PANK2: variants seen among roughly 807,000 people sequenced by gnomAD.
PANK2 encodes pantothenate kinase 2.
PANK2 carries 36 observed loss-of-function variants against 43.1 expected under a neutral mutation model. The observed-to-expected ratio is 0.84, with a 90% CI of 0.64 to 1.10. PANK2 has a LOEUF of 1.10. Among genes scored for constraint, PANK2 ranks in the 50% least tolerant of loss-of-function variants. The pLI, the probability that PANK2 is intolerant of heterozygous loss-of-function variation, is 0.00. For missense variants in PANK2, 576 were observed against 593.3 expected, an observed-to-expected ratio of 0.97 and a Z score of 0.30; for synonymous variants, 281 against 238.2, an observed-to-expected ratio of 1.18 and a Z score of -1.66.
Position 3,923,349 on chromosome 20 carries a change from C to A in PANK2, c.*55C>A, listed in dbSNP as rs1213057096. The A allele has an allele frequency of 1.3e-6, 2 of 1,568,586 alleles. No homozygotes were observed. Among genetic ancestry groups the A allele is most frequent in the African/African-American group, 1.4e-5 (1 of 73,628 alleles). On this transcript the variant is annotated 3_prime_UTR_variant, in exon 7 of 7. Transcript: ENST00000610179. Reference sequence around the variant, plus strand: ...TTCCACAATGGGATCTGTGGACTTTCATTTTTTTAAGAGACTTACTCAATT... The same window carrying A: ...TTCCACAATGGGATCTGTGGACTTTAATTTTTTTAAGAGACTTACTCAATT...
chr20:3,889,017 G>A (rs1335166345), upstream of PANK2: 2 of 1,129,812 alleles, frequency 1.8e-6, no homozygotes. Context: ...GAGCAGCGGG[G>A]TGGGACTCGG....
chr20:3,907,337 G>A (rs576740481), intron 1 of PANK2, among the ~76,000 whole-genome samples: 2 of 152,174 alleles, frequency 1.3e-5, no homozygotes, highest in East Asian at 3.9e-4. Flanking sequence ...GACCTCAGGT[G>A]ATCCACCCAC....
intron 1 of PANK2, among the ~76,000 whole-genome samples, chr20:3,898,404 C>T (rs773137643): frequency 1.3e-5 from 2 of 151,966 alleles, no homozygotes; most frequent in African/African-American, 2.4e-5. Context: ...TTTACCATGT[C>T]GGCCAGACTG....
chr20:3,910,875 G>T, intron 3 of PANK2, 45 bp downstream of exon 3: 8 of 1,610,800 alleles, frequency 5.0e-6, no homozygotes, highest in Non-Finnish European at 5.9e-6. Flanking sequence ...GTATCCTAAC[G>T]GGCTGAGTTT....
rs2090779458 is a variant in PANK2, at chr20:3,929,161, ATT to A, written c.*5870_*5871del. 1 of 152,178 alleles carries A rather than the reference ATT, an allele frequency of 6.6e-6. No individual in the cohort carries two copies. The highest frequency in any genetic ancestry group is 1.5e-5 in the Non-Finnish European group (1 of 68,068). The allele number at this position is 152,178 out of a possible 1,614,324, so 9.4% of individuals were successfully genotyped here. A position where few individuals can be genotyped will look rare whatever the true frequency, so the allele number is the denominator to read the frequency against. On this transcript the variant is annotated 3_prime_UTR_variant, in exon 7 of 7. Transcript: ENST00000610179. ...TGAGCCATCGCGCCCGACCAGAAGC[ATT>A]TTCTTTTCAAAGTGTGTGCACAGAG...
intron 1 of PANK2, among the ~76,000 whole-genome samples, chr20:3,902,974 C>G (rs1216654872): frequency 2.1e-4 from 1 of 4,680 alleles, no homozygotes; most frequent in Admixed American, 2.5e-3. Context: ...TGTGTATAGA[C>G]ACACACACAC....
chr20:3,913,828 G>A (rs113599398), intron 4 of PANK2, among the ~76,000 whole-genome samples: 36,948 of 141,946 alleles, frequency 0.26, 4,819 homozygotes, highest in Middle Eastern at 0.37. Context: ...TTGGTCTGTC[G>A]CCCAGGCTGG....
rs181249802 is a variant in PANK2 at position 3,915,591 on chromosome 20, C to T, written c.1083-1336C>T. 1.7e-3 allele frequency among the ~76,000 whole-genome samples: 260 copies of T among 152,218 alleles called. 6 individuals carry two copies. The highest frequency in any genetic ancestry group is 1.9e-4 in the Non-Finnish European group (13 of 68,016). ...GATTACAGGCGTGAGCCACCACGCC[C>T]GCCAGTTTTAGCTCTTATATTTAGC... On this transcript the variant is annotated intron_variant, in intron 4 of 6. Coordinates refer to ENST00000610179, the MANE Select transcript of PANK2 (RefSeq NM_001386393.1).
At position 3,903,722 on chromosome 20, in the gene PANK2, G is replaced by A. The variant is rs543132767; in HGVS notation, c.299-4204G>A. ...GGCTCACTGCAGCCTCCATCTCCTG[G>A]GATCAAGCGATTCTGCTGCCTCAGC... is the stretch of plus-strand genomic sequence containing the variant. On this transcript the variant is annotated intron_variant, in intron 1 of 6. Coordinates refer to ENST00000610179, the MANE Select transcript of PANK2 (RefSeq NM_001386393.1). 1.2e-3 allele frequency among the ~76,000 whole-genome samples: 178 copies of A among 151,234 alleles called. 2 individuals carry two copies. Among genetic ancestry groups the A allele is most frequent in the Non-Finnish European group, 1.9e-3 (126 of 67,828 alleles).
chr20:3,920,029 C>T (rs1454821120), intron 6 of PANK2, among the ~76,000 whole-genome samples: 1 of 152,060 alleles, frequency 6.6e-6, no homozygotes, highest in Non-Finnish European at 1.5e-5. Context: ...AAACCAGCAC[C>T]GAATTGCCAT....
chr20:3,889,634 G>T lies in PANK2; in HGVS notation c.204G>T (p.Ser68=), dbSNP rs767219073. The T allele has an allele frequency of 1.9e-6, 3 of 1,570,464 alleles. No homozygotes were observed. Among genetic ancestry groups the T allele is most frequent in the African/African-American group, 2.7e-5 (2 of 73,422 alleles). The change falls in exon 1 of 7, where the codon TCG becomes TCT. Residue 68 remains serine, a synonymous_variant. Transcript: ENST00000610179. ...CGTCGGTGCCCGCGGTCGGGGCCTCGGCTGAGGGCACGAGGCGGGATCGAC... is the reference window on the plus strand; with the variant it reads ...CGTCGGTGCCCGCGGTCGGGGCCTCTGCTGAGGGCACGAGGCGGGATCGAC...
intron 6 of PANK2, 66 bp from the exon 7 acceptor site, chr20:3,923,178 C>T: frequency 6.4e-7 from 1 of 1,561,718 alleles, no homozygotes; most frequent in Non-Finnish European, 8.8e-7. Flanking sequence ...CACTAGTCAT[C>T]ATGTGTAAGG....
Position 3,929,117 on chromosome 20 carries a change from G to C in PANK2, c.*5823G>C, listed in dbSNP as rs1408175371. 2 of 152,332 alleles carry C rather than the reference G, an allele frequency of 1.3e-5. No homozygotes were observed. Among genetic ancestry groups the C allele is most frequent in the Non-Finnish European group, 2.9e-5 (2 of 68,174 alleles). The allele number at this position is 152,332 out of a possible 1,614,324, so 9.4% of individuals were successfully genotyped here. A position where few individuals can be genotyped will look rare whatever the true frequency, so the allele number is the denominator to read the frequency against. ...CTGCCTCGGCCTCCCAAAGTGCTGG[G>C]ATGTTGGGATTACAGGCGTGAGCCA... On this transcript the variant is annotated 3_prime_UTR_variant, in exon 7 of 7. Coordinates refer to ENST00000610179, the MANE Select transcript of PANK2 (RefSeq NM_001386393.1).
In PANK2 at chr20:3,908,126, G is replaced by A; in HGVS notation, c.499G>A (p.Gly167Arg). The A allele has an allele frequency of 6.2e-7, 1 of 1,614,128 alleles. No homozygotes were observed. Among genetic ancestry groups the A allele is most frequent in the Non-Finnish European group, 8.5e-7 (1 of 1,180,000 alleles). Reference sequence around the variant, plus strand: ...CGAGCTGAAGGACCTGACTCTGTGTGGACGCAAAGGCAATCTGCACTTTAT... The same window carrying A: ...CGAGCTGAAGGACCTGACTCTGTGTAGACGCAAAGGCAATCTGCACTTTAT... Residue 167 changes from glycine to arginine, a missense_variant, in exon 2 of 7, where the codon GGA becomes AGA. By Grantham distance (125) the Gly-to-Arg change is moderately radical (BLOSUM62 -2). Coordinates refer to ENST00000610179, the MANE Select transcript of PANK2 (RefSeq NM_001386393.1).
intron 1 of PANK2, among the ~76,000 whole-genome samples, chr20:3,907,108 T>TC (rs1337926709): frequency 7.1e-6 from 1 of 141,688 alleles, no homozygotes; most frequent in African/African-American, 2.6e-5. Context: ...CCTTTTTTTT[T>TC]TTTTTTTTTT....
chr20:3,927,669 C>G lies in PANK2; in HGVS notation c.*4375C>G, dbSNP rs1337078397. On this transcript the variant is annotated 3_prime_UTR_variant, in exon 7 of 7. Transcript: ENST00000610179. ...GCAACACTCTAGGAAGACCAGCTGT[C>G]ACCAGAAGGGAGTTCCTAACACTTG... 2 of 152,248 alleles carry G rather than the reference C, an allele frequency of 1.3e-5. No individual in the cohort carries two copies. The highest frequency in any genetic ancestry group is 2.9e-5 in the Non-Finnish European group (2 of 68,056). 9.4% of individuals were successfully genotyped at this position (152,248 alleles called of 1,614,324 possible).
intron 1 of PANK2, 75 bp downstream of exon 1, chr20:3,889,803 G>A: frequency 7.2e-7 from 1 of 1,396,644 alleles, no homozygotes; most frequent in South Asian, 1.3e-5. Context: ...TTCCGGCCCC[G>A]CCGCCGTTTT....
Position 3,918,813 on chromosome 20 carries a change from G to C in PANK2, c.1332+17G>C, listed in dbSNP as rs932174815. 2 of 1,614,178 alleles carry C rather than the reference G, an allele frequency of 1.2e-6. No homozygotes were observed. The highest frequency in any genetic ancestry group is 3.3e-5 in the Admixed American group (2 of 60,026). ...GAACACGAGGTAAGCTGACTTGTTC[G>C]TTGTGGTATATTATGTACACAGAGG... On this transcript the variant is annotated intron_variant, in intron 6 of 6. Coordinates refer to ENST00000610179, the MANE Select transcript of PANK2 (RefSeq NM_001386393.1).
chr20:3,920,991 C>T (rs1402024730), intron 6 of PANK2, among the ~76,000 whole-genome samples: 1 of 152,196 alleles, frequency 6.6e-6, no homozygotes, highest in African/African-American at 2.4e-5. Flanking sequence ...CTGTGTTTTC[C>T]ATTTGCATTC....
Sources: gnomAD v4.1 joint callset for allele counts (sites outside exome capture counted in the v4.1 genomes callset) on GRCh38, gnomAD v4.1.1 for gene constraint, MANE v1.5 for transcripts, NCBI Gene and HGNC (gene_info 2026-07-23, HGNC 2026-07-21) for gene names.